The following ARSG variants were observed in gnomAD, a reference collection of about 807,000 sequenced individuals.
ARSG encodes ASG.
In ARSG, 37 loss-of-function variants were observed where a neutral mutation model predicts 50.5. The ratio of observed to expected loss-of-function variants is 0.73; its 90% CI spans 0.56 to 0.96. ARSG has a LOEUF of 0.96. Ranked by LOEUF, ARSG falls within the 50% of genes least tolerant of loss-of-function variation. The pLI is 0.00. For missense variants in ARSG, 629 were observed against 675.3 expected, an observed-to-expected ratio of 0.93 and a Z score of 0.76; for synonymous variants, 225 against 254.6, an observed-to-expected ratio of 0.88 and a Z score of 1.11.
At chr17:68,296,064 C>G (rs2076195655) in intron 1 of ARSG, among the ~76,000 whole-genome samples, 1 of 152,036 alleles carries the variant, frequency 6.6e-6, no homozygotes, top group Non-Finnish European at 1.5e-5. Context: ...AGAGTAAGAC[C>G]CTGTCTCAAA....
intron 10 of ARSG, among the ~76,000 whole-genome samples, chr17:68,397,860 G>C (rs1482247901): frequency 6.6e-6 from 1 of 152,090 alleles, no homozygotes; most frequent in East Asian, 1.9e-4. Context: ...TCCACCTCCT[G>C]GGTTCAAGCG....
chr17:68,320,043 T>C (rs1048998959), intron 2 of ARSG, among the ~76,000 whole-genome samples: 56 of 151,294 alleles, frequency 3.7e-4, no homozygotes, highest in African/African-American at 1.1e-3. Flanking sequence ...TCCAAACACT[T>C]TGGGAGGCCA....
chr17:68,335,944 G>A (rs1354308069), intron 2 of ARSG, among the ~76,000 whole-genome samples: 4 of 152,194 alleles, frequency 2.6e-5, no homozygotes, highest in Admixed American at 2.6e-4. Flanking sequence ...TGCCACCCAG[G>A]CTGGAGTGCA....
At chr17:68,344,771 C>G (rs999140727) in intron 3 of ARSG, among the ~76,000 whole-genome samples, 2 of 152,234 alleles carry the variant, frequency 1.3e-5, no homozygotes, top group Non-Finnish European at 2.9e-5. Flanking sequence ...GGATCCCTGC[C>G]TCCTCCACTA....
chr17:68,338,815 G>A (rs774602689), intron 2 of ARSG, among the ~76,000 whole-genome samples: 1 of 152,210 alleles, frequency 6.6e-6, no homozygotes, highest in Non-Finnish European at 1.5e-5. Context: ...TTGTAAAATG[G>A]AAACGACCTC....
At chr17:68,348,112 C>G (rs572398954) in intron 4 of ARSG, among the ~76,000 whole-genome samples, 1 of 152,228 alleles carries the variant, frequency 6.6e-6, no homozygotes, top group Non-Finnish European at 1.5e-5. Flanking sequence ...CTTTGATGCT[C>G]ATTCCTCTCC....
chr17:68,354,871 CA>C (rs1056135775), intron 5 of ARSG, among the ~76,000 whole-genome samples: 3 of 152,100 alleles, frequency 2.0e-5, no homozygotes, highest in African/African-American at 7.2e-5. Flanking sequence ...GTCAAAAAAA[CA>C]AAACAAAACA....
intron 6 of ARSG, among the ~76,000 whole-genome samples, chr17:68,365,507 A>G (rs1294941797): frequency 6.6e-6 from 1 of 152,174 alleles, no homozygotes; most frequent in East Asian, 1.9e-4. Context: ...TGTGCTCTTC[A>G]TCAGCCTGTG....
intron 11 of ARSG, among the ~76,000 whole-genome samples, chr17:68,409,704 A>G (rs1251461149): frequency 2.0e-5 from 3 of 149,190 alleles, no homozygotes; most frequent in Non-Finnish European, 4.5e-5. Flanking sequence ...TCTGTAAATT[A>G]CCTTGGGCAG....
rs552884334 is a variant in ARSG, at chr17:68,385,175, A to G, written c.1091+3A>G. The G allele has an allele frequency of 6.2e-7, 1 of 1,612,774 alleles. No homozygotes were observed. Among genetic ancestry groups the G allele is most frequent in the Admixed American group, 1.7e-5 (1 of 59,970 alleles). On this transcript the variant is annotated splice_donor_region_variant and intron_variant, in intron 9 of 11. Coordinates refer to ENST00000621439, the MANE Select transcript of ARSG (RefSeq NM_001267727.2). Reference sequence around the variant, plus strand: ...GTCACCAGCACTGCCTTGTTAAGGTATGAGACCAAAACTACCTTGAGATGT... The same window carrying G: ...GTCACCAGCACTGCCTTGTTAAGGTGTGAGACCAAAACTACCTTGAGATGT...
chr17:68,406,526 G>A (rs2081729122), intron 11 of ARSG, among the ~76,000 whole-genome samples: 1 of 152,102 alleles, frequency 6.6e-6, no homozygotes, highest in African/African-American at 2.4e-5. Flanking sequence ...CCTGTTCACC[G>A]TATCCATGCC....
chr17:68,443,383 G>A, the ARSG span, among the ~76,000 whole-genome samples: 1 of 152,078 alleles, frequency 6.6e-6, no homozygotes, highest in South Asian at 2.1e-4. Context: ...AATGTGCTGC[G>A]ATTATAGGTG....
At chr17:68,437,005 A>AATATATATATAT in the ARSG span, among the ~76,000 whole-genome samples, 116 of 107,238 alleles carry the variant, frequency 1.1e-3, 1 homozygote, top group Middle Eastern at 5.3e-3. Flanking sequence ...AAAAAAAAAA[A>AATATATATATAT]ATATATATAT....
upstream of ARSG, among the ~76,000 whole-genome samples, chr17:68,286,748 G>T (rs143118544): frequency 6.6e-6 from 1 of 152,084 alleles, no homozygotes; most frequent in South Asian, 2.1e-4. Context: ...CAAGTGATCT[G>T]CCCGCCTTGG....
chr17:68,417,384 G>C (rs933177370), intron 11 of ARSG, among the ~76,000 whole-genome samples: 1 of 152,184 alleles, frequency 6.6e-6, no homozygotes, highest in East Asian at 1.9e-4. Context: ...GAAGGATGAA[G>C]AGATTTTTCT....
chr17:68,268,070 T>G (rs1209324197), intron 1 of ARSG: 1 of 152,228 alleles, frequency 6.6e-6, no homozygotes, highest in Non-Finnish European at 1.5e-5. Flanking sequence ...TTTTTCCCCT[T>G]TAATAGCACA....
At chr17:68,384,541 G>A (rs906906043) in intron 8 of ARSG, among the ~76,000 whole-genome samples, 1 of 152,104 alleles carries the variant, frequency 6.6e-6, no homozygotes, top group Non-Finnish European at 1.5e-5. Flanking sequence ...ACAAAATAAA[G>A]CCATAAAATC....
chr17:68,303,689 A>G (rs12947824), intron 1 of ARSG, among the ~76,000 whole-genome samples: 2,415 of 152,202 alleles, frequency 0.016, 28 homozygotes, highest in Non-Finnish European at 0.028. Flanking sequence ...ACCTCAGGTG[A>G]TCTGCCTGCC....
the ARSG span, chr17:68,450,663 G>A: frequency 5.9e-6 from 9 of 1,529,004 alleles, no homozygotes; most frequent in African/African-American, 2.8e-5. Flanking sequence ...CTTGAAAGAT[G>A]TCCATCTTTT....
Sources: allele counts gnomAD v4.1 joint callset (sites outside exome capture counted in the v4.1 genomes callset), GRCh38; gene constraint gnomAD v4.1.1; transcripts MANE v1.5; gene names NCBI Gene and HGNC (gene_info 2026-07-23, HGNC 2026-07-21).